Variants in CGNL1 observed in about 807,000 individuals in gnomAD.
CGNL1 encodes cingulin like 1.
A neutral mutation model predicts 141.2 loss-of-function variants in CGNL1; 132 were observed. The observed-to-expected ratio is 0.93, with a 90% CI of 0.81 to 1.08. CGNL1 has a LOEUF of 1.08. CGNL1 is among the 50% of genes least tolerant of loss of function. The pLI, the probability that CGNL1 is intolerant of heterozygous loss-of-function variation, is 0.00. For synonymous variants in CGNL1, 690 were observed against 622.1 expected, an observed-to-expected ratio of 1.11 and a Z score of -1.63; for missense variants, 1,870 against 1,588.6, an observed-to-expected ratio of 1.18 and a Z score of -3.01.
intron 1 of CGNL1, among the ~76,000 whole-genome samples, chr15:57,390,097 T>C (rs1459091485): frequency 9.2e-5 from 14 of 152,240 alleles, no homozygotes; most frequent in South Asian, 2.1e-4. Context: ...ATTACAGGTG[T>C]GAGCCACCGC....
intron 1 of CGNL1, among the ~76,000 whole-genome samples, chr15:57,381,480 G>A (rs1222481100): frequency 6.6e-6 from 1 of 152,160 alleles, no homozygotes; most frequent in Non-Finnish European, 1.5e-5. Context: ...AGGATGGCTT[G>A]AGCCTAGGAG....
At chr15:57,382,184 C>T (rs192700986) in intron 1 of CGNL1, among the ~76,000 whole-genome samples, 1 of 152,232 alleles carries the variant, frequency 6.6e-6, no homozygotes, top group Admixed American at 6.5e-5. Context: ...CTTAAAATTA[C>T]AGGTAGTAAG....
chr15:57,422,165 C>T (rs1359650707), intron 1 of CGNL1, among the ~76,000 whole-genome samples: 2 of 151,846 alleles, frequency 1.3e-5, no homozygotes, highest in African/African-American at 4.8e-5. Flanking sequence ...CATGGTCTGC[C>T]TTTTATGTTT....
intron 8 of CGNL1, among the ~76,000 whole-genome samples, chr15:57,481,043 G>C (rs1156331835): frequency 7.0e-6 from 1 of 143,476 alleles, no homozygotes; most frequent in Non-Finnish European, 1.5e-5. Flanking sequence ...AGTCAAGCCA[G>C]TGATCCAGGA....
At chr15:57,478,839 G>A (rs183627384) in intron 8 of CGNL1, among the ~76,000 whole-genome samples, 15 of 152,186 alleles carry the variant, frequency 9.9e-5, no homozygotes, top group Admixed American at 6.5e-5. Flanking sequence ...GGGTTTTGCC[G>A]TGTTGCTCAT....
chr15:57,525,928 CAGA>C (rs2031583303), intron 12 of CGNL1, among the ~76,000 whole-genome samples: 1 of 152,014 alleles, frequency 6.6e-6, no homozygotes, highest in Admixed American at 6.6e-5. Flanking sequence ...AGCACAGAGG[CAGA>C]AGGATTCAGG....
chr15:57,516,670 C>A, intron 8 of CGNL1, 110 bp from the exon 9 acceptor site: 1 of 1,145,784 alleles, frequency 8.7e-7, no homozygotes, highest in Admixed American at 2.1e-5. Context: ...CAGCACAGGG[C>A]CTGGCTAAGT....
chr15:57,462,215 G>A (rs1463651482), intron 8 of CGNL1, among the ~76,000 whole-genome samples: 4 of 152,160 alleles, frequency 2.6e-5, no homozygotes, highest in Non-Finnish European at 5.9e-5. Context: ...GTTCCTAACG[G>A]TCAGAGGCCG....
chr15:57,526,070 G>T (rs535641034), intron 12 of CGNL1, among the ~76,000 whole-genome samples: 7 of 152,044 alleles, frequency 4.6e-5, no homozygotes, highest in African/African-American at 1.7e-4. Context: ...TCCTTGGGTT[G>T]GAAAGAAACA....
chr15:57,439,023 G>A lies in CGNL1; in HGVS notation c.1024G>A (p.Gly342Arg). 1 of 1,614,226 alleles carries A rather than the reference G, an allele frequency of 6.2e-7. No homozygotes were observed. Among genetic ancestry groups the A allele is most frequent in the South Asian group, 1.1e-5 (1 of 91,086 alleles). Residue 342 changes from glycine to arginine, a missense_variant, in exon 2 of 19, where the codon GGA (glycine) becomes AGA (arginine). Physicochemically the swap from Gly to Arg is moderately radical, Grantham distance 125 (BLOSUM62 -2). Transcript: ENST00000281282. ...GTATATTCCCTTCCTGCCAGGAACTGGACGGGATATTGATACAGGATCAAT... is the reference window on the plus strand; with the variant it reads ...GTATATTCCCTTCCTGCCAGGAACTAGACGGGATATTGATACAGGATCAAT... ...RRYIPFLPGTGRDIDTGSIPG... is the reference protein window; with the variant it reads ...RRYIPFLPGTRRDIDTGSIPG...
intron 1 of CGNL1, among the ~76,000 whole-genome samples, chr15:57,387,717 CT>C (rs1401524752): frequency 1.3e-5 from 2 of 152,214 alleles, no homozygotes; most frequent in Admixed American, 1.3e-4. Flanking sequence ...TAATAAAAAC[CT>C]CCCCCTGTTT....
intron 8 of CGNL1, among the ~76,000 whole-genome samples, chr15:57,494,490 A>G (rs2063909174): frequency 6.6e-6 from 1 of 152,140 alleles, no homozygotes; most frequent in Non-Finnish European, 1.5e-5. Context: ...CCCTTCATTT[A>G]TGAGCAACTT....
intron 1 of CGNL1, among the ~76,000 whole-genome samples, chr15:57,434,305 G>A (rs1200190195): frequency 6.6e-6 from 1 of 152,054 alleles, no homozygotes; most frequent in Non-Finnish European, 1.5e-5. Context: ...TTGTATCTCT[G>A]AAAAGTAGAG....
chr15:57,445,835 T>C (rs2063243905), intron 4 of CGNL1, among the ~76,000 whole-genome samples: 1 of 152,218 alleles, frequency 6.6e-6, no homozygotes, highest in Admixed American at 6.5e-5. Flanking sequence ...CCAAATCCTT[T>C]TGAGAGAATC....
At chr15:57,540,264 A>G (rs139093191) in intron 14 of CGNL1, among the ~76,000 whole-genome samples, 27 of 152,282 alleles carry the variant, frequency 1.8e-4, no homozygotes, top group Admixed American at 3.3e-4. Context: ...AGACTGGGCA[A>G]TTTATAAATG....
chr15:57,494,179 TTTTACA>T (rs1210484628), intron 8 of CGNL1, among the ~76,000 whole-genome samples: 1 of 152,188 alleles, frequency 6.6e-6, no homozygotes, highest in African/African-American at 2.4e-5. Context: ...ATTTAAAAAG[TTTTACA>T]TTTATAGGTT....
chr15:57,413,505 G>T (rs1308436143), intron 1 of CGNL1, among the ~76,000 whole-genome samples: 2 of 151,978 alleles, frequency 1.3e-5, no homozygotes, highest in Non-Finnish European at 2.9e-5. Context: ...AGGCTAGTCT[G>T]GAACTTCTGG....
intron 8 of CGNL1, among the ~76,000 whole-genome samples, chr15:57,480,704 G>A (rs1280383): frequency 0.93 from 142,140 of 152,162 alleles, 66,785 homozygotes; most frequent in Non-Finnish European, 0.99. Context: ...CCCATATCCC[G>A]TCTTTCAGAA....
intron 1 of CGNL1, among the ~76,000 whole-genome samples, chr15:57,392,207 A>G (rs1460097890): frequency 6.6e-6 from 1 of 152,176 alleles, no homozygotes; most frequent in Non-Finnish European, 1.5e-5. Flanking sequence ...TACAAAAGAA[A>G]GTGATAGGTG....
Sources: allele counts gnomAD v4.1 joint callset (sites outside exome capture counted in the v4.1 genomes callset), GRCh38; gene constraint gnomAD v4.1.1; transcripts MANE v1.5; gene names NCBI Gene and HGNC (gene_info 2026-07-23, HGNC 2026-07-21).